ANKRD26: variants seen among roughly 807,000 people sequenced by gnomAD.
ANKRD26 encodes ankyrin repeat domain 26.
Under a neutral mutation model 208.7 loss-of-function variants are expected in ANKRD26, and 141 were observed. The observed-to-expected ratio is 0.68, with a 90% CI of 0.59 to 0.78. The LOEUF (loss-of-function observed/expected upper bound fraction) is 0.78, where lower values mean the gene tolerates loss of function less well. ANKRD26 is among the 30% of genes least tolerant of loss of function. ANKRD26 has a pLI of 0.00. For missense variants in ANKRD26, 1,889 were observed against 1,938.7 expected (o/e 0.97, Z 0.48); for synonymous variants, 636 against 660.4 (o/e 0.96, Z 0.57).
Position 27,074,717 on chromosome 10 carries a change from G to C in ANKRD26, c.1077+2621C>G, listed in dbSNP as rs550190036. The stretch of plus-strand genomic sequence containing the variant: ...AAGTAGTGGGAAGTTTTAACAGTAG[G>C]CTATGCCAAATAGAAGTAAGAACTT... On this transcript the variant is annotated intron_variant, in intron 9 of 33. Transcript: ENST00000376087. 4.6e-5 allele frequency among the ~76,000 whole-genome samples: 7 copies of C among 151,950 alleles called. No individual in the cohort carries two copies. The South Asian group carries it at 1.4e-3, about 31-fold the overall frequency.
At chr10:26,962,981 TC>T in the ANKRD26 span, among the ~76,000 whole-genome samples, 1 of 152,296 alleles carries the variant, frequency 6.6e-6, no homozygotes, top group African/African-American at 2.4e-5. Context: ...CTTATTTAAC[TC>T]TTGCTGCAAC....
intron 9 of ANKRD26, among the ~76,000 whole-genome samples, chr10:27,075,901 C>A (rs1441312637): frequency 6.6e-6 from 1 of 152,160 alleles, no homozygotes; most frequent in Non-Finnish European, 1.5e-5. Context: ...TATGAAGTAT[C>A]TTCTCAGACC....
chr10:27,078,018 A>C (rs2135580002), intron 7 of ANKRD26, among the ~76,000 whole-genome samples: 1 of 152,332 alleles, frequency 6.6e-6, no homozygotes, highest in East Asian at 1.9e-4. Flanking sequence ...GTAGAGTATT[A>C]TAAAAGTCAA....
chr10:26,980,974 T>C (rs962932453), intron 4 of ANKRD26, among the ~76,000 whole-genome samples: 5 of 152,112 alleles, frequency 3.3e-5, no homozygotes, highest in African/African-American at 1.2e-4. Context: ...GAGGCAGTCT[T>C]CCCCCTTTTT....
At chr10:26,962,618 C>A in the ANKRD26 span, among the ~76,000 whole-genome samples, 2,874 of 152,084 alleles carry the variant, frequency 0.019, 32 homozygotes, top group Non-Finnish European at 0.029. Flanking sequence ...CATGGTGGCA[C>A]ACAACCATAG....
chr10:26,987,333 T>C (rs2052407431), downstream of ANKRD26, among the ~76,000 whole-genome samples: 1 of 152,186 alleles, frequency 6.6e-6, no homozygotes, highest in Non-Finnish European at 1.5e-5. Flanking sequence ...TAATGTTAAA[T>C]GACCAGTTAA....
intron 5 of ANKRD26, among the ~76,000 whole-genome samples, chr10:27,083,819 T>G (rs1038769961): frequency 3.9e-5 from 6 of 152,238 alleles, no homozygotes; most frequent in Non-Finnish European, 5.9e-5. Flanking sequence ...TACGGTTTTG[T>G]AAATAAAGGT....
rs187531923 is a variant in ANKRD26 at position 27,069,943 on chromosome 10, C to G, written c.1078-2657G>C. ...AACCAGCCTGGATAATATAGCGAGA[C>G]CCCATCTCTACAAAAAATAAATAAA... On this transcript the variant is annotated intron_variant, in intron 9 of 33. Coordinates refer to ENST00000376087, the MANE Select transcript of ANKRD26 (RefSeq NM_014915.3). 2.9e-3 allele frequency among the ~76,000 whole-genome samples: 445 copies of G among 151,862 alleles called. 2 individuals are homozygous for G. The highest frequency in any genetic ancestry group is 8.1e-3 in the Admixed American group (123 of 15,218).
At chr10:27,044,353 CT>C (rs1240431566) in intron 18 of ANKRD26, among the ~76,000 whole-genome samples, 163 bp from the exon 19 acceptor site, 1 of 151,962 alleles carries the variant, frequency 6.6e-6, no homozygotes, top group Non-Finnish European at 1.5e-5. Context: ...AAGATAATAA[CT>C]TTCTACAAGG....
chr10:27,004,682 G>A lies in ANKRD26; in HGVS notation c.*908C>T, dbSNP rs976068781. 2 of 152,264 alleles carry A rather than the reference G, an allele frequency of 1.3e-5. No homozygotes were observed. Among genetic ancestry groups the A allele is most frequent in the East Asian group, 3.9e-4 (2 of 5,182 alleles). The allele number at this position is 152,264 out of a possible 1,614,324, so 9.4% of individuals were successfully genotyped here. On this transcript the variant is annotated 3_prime_UTR_variant, in exon 34 of 34. Transcript: ENST00000376087. The stretch of plus-strand genomic sequence containing the variant: ...AATCTAATCACCATGAAACCCAATT[G>A]AGGGACATTCTTATATTACCAGACT...
intron 1 of ANKRD26, among the ~76,000 whole-genome samples, chr10:27,099,118 G>A (rs544214072): frequency 6.6e-6 from 1 of 152,150 alleles, no homozygotes; most frequent in African/African-American, 2.4e-5. Flanking sequence ...AGTCTTCGGA[G>A]TAGCTGAGAT....
chr10:27,093,759 C>T lies in ANKRD26; in HGVS notation c.283G>A (p.Val95Ile), dbSNP rs370319756. The T allele has an allele frequency of 3.1e-6, 5 of 1,614,114 alleles. No homozygotes were observed. The highest frequency in any genetic ancestry group is 4.2e-6 in the Non-Finnish European group (5 of 1,180,062). The change falls in exon 2 of 34, where the codon GTA (valine) becomes ATA (isoleucine). Residue 95 changes from valine (V) to isoleucine (I), a missense_variant. Physicochemically the swap from Val to Ile is conservative, Grantham distance 29 (BLOSUM62 3). Transcript: ENST00000376087. ...HLACANGHPEVVTLLVDRKCQ... is the reference protein window; with the variant it reads ...HLACANGHPEIVTLLVDRKCQ... ...TTTCTGTCCACCAGGAGAGTTACTA[C>T]TTCTGGATGACCATTGGCACAGGCC...
At position 27,061,180 on chromosome 10, in the gene ANKRD26, C is replaced by T. The variant is rs773036263; in HGVS notation, c.1426G>A (p.Asp476Asn). 4 of 1,612,792 alleles carry T rather than the reference C, an allele frequency of 2.5e-6. No individual in the cohort carries two copies. In the South Asian group the frequency reaches 4.4e-5, roughly 18 times the overall value. Residue 476 changes from aspartate (D) to asparagine (N), a missense_variant, in exon 13 of 34, where the codon GAT becomes AAT. By Grantham distance (23) the Asp-to-Asn change is conservative. Around this residue, in one of 3 missense-constraint regions of ANKRD26, gnomAD observed 1,272 missense variants for 1,273.8 expected, o/e 1.00. Coordinates refer to ENST00000376087, the MANE Select transcript of ANKRD26 (RefSeq NM_014915.3). ...ACTGGCATGCCTACATTTCTTGTAT[C>T]CTCTAGTTTAGCCATCTTAAAGTTT... is the stretch of plus-strand genomic sequence containing the variant. Reference protein sequence around the residue: ...SRNFKMAKLEDTRNVGMPVAH... With the variant: ...SRNFKMAKLENTRNVGMPVAH...
chr10:27,045,977 T>C (rs573775116), intron 18 of ANKRD26: 60 of 159,826 alleles, frequency 3.8e-4, no homozygotes, highest in Non-Finnish European at 6.4e-4. Context: ...AAAACTAAAT[T>C]TCATAAGCAT....
intron 9 of ANKRD26, among the ~76,000 whole-genome samples, chr10:27,070,061 T>A (rs1175119535): frequency 7.0e-6 from 1 of 143,808 alleles, no homozygotes; most frequent in Non-Finnish European, 1.5e-5. Flanking sequence ...GCCTTGATCA[T>A]GCCACTGCAC....
chr10:27,081,744 C>CT (rs932935741), intron 6 of ANKRD26, among the ~76,000 whole-genome samples: 45 of 145,786 alleles, frequency 3.1e-4, no homozygotes, highest in African/African-American at 3.2e-4. Context: ...GAATACTATG[C>CT]TTTTTTTTTT....
In ANKRD26 at chr10:27,046,438, A is replaced by G. The variant is rs371278932; in HGVS notation, c.1900T>C (p.Phe634Leu). Residue 634 changes from phenylalanine (F) to leucine (L), a missense_variant, in exon 18 of 34, where the codon TTT (phenylalanine) becomes CTT (leucine). Coordinates refer to ENST00000376087, the MANE Select transcript of ANKRD26 (RefSeq NM_014915.3). ...TSKESVNSPV[F>L]GKASLLTGGL... is the part of the protein sequence containing the mutation. Reference sequence around the variant, plus strand: ...CCAGTTAGTAAACTGGCCTTCCCAAACACTGGTGAATTCACAGATTCTTTC... The same window carrying G: ...CCAGTTAGTAAACTGGCCTTCCCAAGCACTGGTGAATTCACAGATTCTTTC... 1.9e-5 allele frequency: 30 copies of G among 1,614,120 alleles called. No individual in the cohort carries two copies. The African/African-American group carries it at 3.9e-4, about 21-fold the overall frequency.
chr10:26,962,235 G>C, the ANKRD26 span, among the ~76,000 whole-genome samples: 1 of 152,228 alleles, frequency 6.6e-6, no homozygotes, highest in Non-Finnish European at 1.5e-5. Flanking sequence ...CTTGAGATCA[G>C]TCTGGGCAAC....
intron 4 of ANKRD26, among the ~76,000 whole-genome samples, chr10:26,981,338 G>A (rs1312685488): frequency 6.6e-6 from 1 of 152,204 alleles, no homozygotes; most frequent in Non-Finnish European, 1.5e-5. Flanking sequence ...GGATTTTATA[G>A]GATGGTCTTT....
Sources: allele counts gnomAD v4.1 joint callset (sites outside exome capture counted in the v4.1 genomes callset), GRCh38; gene constraint gnomAD v4.1.1; regional missense constraint gnomAD v4.1.1; transcripts MANE v1.5; gene names NCBI Gene and HGNC (gene_info 2026-07-23, HGNC 2026-07-21).